The following RPS6KA1 variants were observed in gnomAD, a reference collection of about 807,000 sequenced individuals.
RPS6KA1 encodes ribosomal protein S6 kinase alpha-1.
A neutral mutation model predicts 91.3 loss-of-function variants in RPS6KA1; 48 were observed. The observed-to-expected ratio is 0.53, with a 90% CI of 0.42 to 0.67. The LOEUF (loss-of-function observed/expected upper bound fraction) is 0.67, where lower values mean the gene tolerates loss of function less well. Ranked by LOEUF, RPS6KA1 falls within the 30% of genes least tolerant of loss-of-function variation. The pLI is 0.00. For synonymous variants in RPS6KA1, 359 were observed against 384.7 expected, an observed-to-expected ratio of 0.93 and a Z score of 0.78; for missense variants, 719 against 960.5, an observed-to-expected ratio of 0.75 and a Z score of 3.32.
rs747354058 is a variant in RPS6KA1, at chr1:26,556,767, T to A, written c.981+49T>A. On this transcript the variant is annotated intron_variant, in intron 12 of 21. Transcript: ENST00000374168. ...GGCTCTGGCCAGGGCTCAGCCATCT[T>A]GGCCACAGGAAGGGTGGTGGGAGGG... The A allele has an allele frequency of 1.9e-5, 31 of 1,605,564 alleles. 1 individual carries two copies. The South Asian group carries it at 3.2e-4, about 17-fold the overall frequency.
Position 26,574,776 on chromosome 1 carries a change from G to T in RPS6KA1, c.*575G>T, listed in dbSNP as rs947258188. The T allele has an allele frequency of 2.4e-5, 6 of 253,574 alleles. No homozygotes were observed. In the Admixed American group the frequency reaches 3.1e-4, roughly 13 times the overall value. The allele number at this position is 253,574 out of a possible 1,614,324, so 15.7% of individuals were successfully genotyped here. A position where few individuals can be genotyped will look rare whatever the true frequency, so the allele number is the denominator to read the frequency against. On this transcript the variant is annotated 3_prime_UTR_variant, in exon 22 of 22. Coordinates refer to ENST00000374168, the MANE Select transcript of RPS6KA1 (RefSeq NM_002953.4). The surrounding 1 kb of genome is among the most constrained non-coding windows in gnomAD (Gnocchi z 4.3). ...ACAGGAGGGGTCTCATGTCCTGCTG[G>T]CTTCCAGCTTCAGGCACCAGCATCC...
chr1:26,554,727 G>T lies in RPS6KA1; in HGVS notation c.745G>T (p.Gly249Trp). 1 of 1,602,806 alleles carries T rather than the reference G, an allele frequency of 6.2e-7. No homozygotes were observed. The highest frequency in any genetic ancestry group is 8.5e-7 in the Non-Finnish European group (1 of 1,171,298). The change falls in exon 9 of 22, where the codon GGG becomes TGG. Residue 249 changes from glycine to tryptophan, a missense_variant. By Grantham distance (184) the Gly-to-Trp change is radical. Coordinates refer to ENST00000374168, the MANE Select transcript of RPS6KA1 (RefSeq NM_002953.4). This position sits in a 1 kb window ranked among gnomAD's most constrained non-coding sequence, Gnocchi z 4.6. Reference sequence around the variant, plus strand: ...CCATAGTGCGGACTGGTGGTCCTATGGGGTGTTGATGGTGAGTGCCCAGAC... The same window carrying T: ...CCATAGTGCGGACTGGTGGTCCTATTGGGTGTTGATGGTGAGTGCCCAGAC... ...HSHSADWWSY[G>W]VLMFEMLTGS...
At position 26,557,097 on chromosome 1, in the gene RPS6KA1, A is replaced by G. The variant is rs779910630; in HGVS notation, c.1081A>G (p.Lys361Glu). ...FDTEFTSRTP[K>E]DSPGIPPSAG... ...CACCGAGTTCACGTCCCGCACACCC[A>G]AGGGTGCGTCCCTTATCTGTTTTGT... Residue 361 changes from lysine to glutamate, a missense_variant, in exon 13 of 22, where the codon AAG becomes GAG. By Grantham distance (56) the Lys-to-Glu change is moderately conservative (BLOSUM62 1). This residue lies in a region of RPS6KA1 where 228 missense variants were observed against 247.6 expected (regional missense o/e 0.92). Transcript: ENST00000374168. 39 of 1,608,500 alleles carry G rather than the reference A, an allele frequency of 2.4e-5. No individual in the cohort carries two copies. The highest frequency in any genetic ancestry group is 3.1e-5 in the Non-Finnish European group (36 of 1,175,204).
chr1:26,537,758 G>A (rs745481687), intron 2 of RPS6KA1, among the ~76,000 whole-genome samples: 3 of 152,192 alleles, frequency 2.0e-5, no homozygotes, highest in African/African-American at 2.4e-5. Flanking sequence ...GAGCAAATCC[G>A]GGTTCCAGTC....
At chr1:26,573,442 A>T in intron 21 of RPS6KA1, 81 bp downstream of exon 21, 1 of 1,515,486 alleles carries the variant, frequency 6.6e-7, no homozygotes, top group Non-Finnish European at 9.1e-7. Flanking sequence ...AGAGCCAGGC[A>T]ATGCCATGTC....
intron 2 of RPS6KA1, among the ~76,000 whole-genome samples, chr1:26,544,632 G>A (rs1420590677): frequency 6.6e-6 from 1 of 151,996 alleles, no homozygotes; most frequent in African/African-American, 2.4e-5. Context: ...CCACCACCAC[G>A]CCCAGCTAAT....
intron 19 of RPS6KA1, 117 bp downstream of exon 19, chr1:26,572,042 G>A: frequency 1.5e-6 from 2 of 1,324,672 alleles, no homozygotes; most frequent in Admixed American, 1.8e-5. Flanking sequence ...TCTGGAAATA[G>A]GGACATGCTC....
chr1:26,570,699 C>T (rs2076241434), intron 17 of RPS6KA1, among the ~76,000 whole-genome samples: 1 of 152,202 alleles, frequency 6.6e-6, no homozygotes, highest in Admixed American at 6.5e-5. Flanking sequence ...TGCTGGGATA[C>T]AGCAGTGAGC....
chr1:26,548,296 G>A (rs905983924), intron 4 of RPS6KA1, among the ~76,000 whole-genome samples: 1 of 152,072 alleles, frequency 6.6e-6, no homozygotes, highest in African/African-American at 2.4e-5. Context: ...AGCCGGTGCT[G>A]TGACTGGTGT....
chr1:26,569,854 C>T (rs907819351), intron 17 of RPS6KA1, among the ~76,000 whole-genome samples: 6 of 152,128 alleles, frequency 3.9e-5, no homozygotes, highest in African/African-American at 9.7e-5. Flanking sequence ...GCTCAGGGCA[C>T]CTGAGGGATG....
chr1:26,572,475 G>T (rs1393618402), intron 20 of RPS6KA1, among the ~76,000 whole-genome samples, 182 bp downstream of exon 20: 1 of 151,954 alleles, frequency 6.6e-6, no homozygotes, highest in Non-Finnish European at 1.5e-5. Context: ...TACCTTGTTG[G>T]GGTAACCTGG....
rs74062507 is a variant in RPS6KA1 at position 26,540,358 on chromosome 1, C to T, written c.108+3389C>T. ...GCTCTTCCTGACTTCCCACTCTACC[C>T]TCCTGGCCTTAAGCCCCTTGGTCAC... On this transcript the variant is annotated intron_variant, in intron 2 of 21. Transcript: ENST00000374168. This position sits in a 1 kb window ranked among gnomAD's most constrained non-coding sequence, Gnocchi z 4.2. Among the ~76,000 whole-genome samples, 3,380 of 152,324 alleles carry T rather than the reference C, an allele frequency of 0.022. 99 individuals carry two copies. The highest frequency in any genetic ancestry group is 0.077 in the African/African-American group (3,186 of 41,562).
chr1:26,535,689 C>T (rs1230628350), intron 1 of RPS6KA1, among the ~76,000 whole-genome samples: 3 of 152,138 alleles, frequency 2.0e-5, no homozygotes, highest in African/African-American at 4.8e-5. Flanking sequence ...TGGGCTGTTT[C>T]TCAGCTGACC....
rs1215594139 is a variant in RPS6KA1, at chr1:26,547,236, T to G, written c.273T>G (p.Tyr91Ter). 6.2e-7 allele frequency: 1 copy of G among 1,613,922 alleles called. No individual in the cohort carries two copies. Among genetic ancestry groups the G allele is most frequent in the African/African-American group, 1.3e-5 (1 of 74,914 alleles). The part of the protein sequence containing the change: ...KVTRPDSGHL[Y>*]AMKVLKKATL... Reference sequence around the variant, plus strand: ...CCCGGCCTGACAGTGGGCACCTGTATGCTATGAAGGTGCTGAAGAAGGCAA... The same window carrying G: ...CCCGGCCTGACAGTGGGCACCTGTAGGCTATGAAGGTGCTGAAGAAGGCAA... The change falls in exon 4 of 22, where the codon TAT becomes TAG. Residue 91 changes from tyrosine to a stop codon, truncating the protein, a stop_gained. Transcript: ENST00000374168. LOFTEE classifies it high-confidence loss of function. The surrounding 1 kb of genome is among the most constrained non-coding windows in gnomAD (Gnocchi z 4.1).
intron 1 of RPS6KA1, among the ~76,000 whole-genome samples, chr1:26,532,561 T>C (rs2124609865): frequency 6.6e-6 from 1 of 152,210 alleles, no homozygotes; most frequent in Admixed American, 6.5e-5. Flanking sequence ...CCTCGTCCAG[T>C]CTTTGCCGAG....
At position 26,554,135 on chromosome 1, in the gene RPS6KA1, A is replaced by T. The variant is rs2076077498; in HGVS notation, c.576-79A>T. 1 of 1,472,010 alleles carries T rather than the reference A, an allele frequency of 6.8e-7. No homozygotes were observed. Among genetic ancestry groups the T allele is most frequent in the Admixed American group, 2.1e-5 (1 of 48,670 alleles). The allele number at this position is 1,472,010 out of a possible 1,614,324, so 91.2% of individuals were successfully genotyped here. A position where few individuals can be genotyped will look rare whatever the true frequency, so the allele number is the denominator to read the frequency against. On this transcript the variant is annotated intron_variant, in intron 7 of 21. Coordinates refer to ENST00000374168, the MANE Select transcript of RPS6KA1 (RefSeq NM_002953.4). This position sits in a 1 kb window ranked among gnomAD's most constrained non-coding sequence, Gnocchi z 4.6. ...GGAGCACCTCCTCTGGGCTGAACCC[A>T]ACTCCCACAGCCCTGTGGTAACACC...
intron 1 of RPS6KA1, among the ~76,000 whole-genome samples, chr1:26,532,830 G>A (rs2075877929): frequency 6.6e-6 from 1 of 152,166 alleles, no homozygotes; most frequent in African/African-American, 2.4e-5. Flanking sequence ...AGTGGTCTGG[G>A]GCCCTGGGCA....
intron 2 of RPS6KA1, among the ~76,000 whole-genome samples, chr1:26,538,453 GC>G (rs2075922274): frequency 1.3e-5 from 2 of 152,168 alleles, no homozygotes; most frequent in Non-Finnish European, 1.5e-5. Context: ...GTAACCTTTT[GC>G]TCCCAAGCCT....
At chr1:26,573,678 A>G (rs1380095467) in intron 21 of RPS6KA1, among the ~76,000 whole-genome samples, 1 of 152,050 alleles carries the variant, frequency 6.6e-6, no homozygotes, top group Non-Finnish European at 1.5e-5. Flanking sequence ...GGTGGCTCAC[A>G]CCTGTAATCC....
Sources: gnomAD v4.1 joint callset for allele counts (sites outside exome capture counted in the v4.1 genomes callset) on GRCh38, gnomAD v4.1.1 for gene constraint, gnomAD v4.1.1 regional missense constraint, Gnocchi (gnomAD v3.1) non-coding constraint, MANE v1.5 for transcripts, NCBI Gene and HGNC (gene_info 2026-07-23, HGNC 2026-07-21) for gene names.